The following MACROD2 variants were observed in gnomAD, a reference collection of about 807,000 sequenced individuals.
MACROD2 encodes the protein mono-ADP ribosylhydrolase 2.
A neutral mutation model predicts 70.4 loss-of-function variants in MACROD2; 36 were observed. The observed-to-expected ratio is 0.51, with a 90% CI of 0.39 to 0.68. The LOEUF (loss-of-function observed/expected upper bound fraction) is 0.68, where lower values mean the gene tolerates loss of function less well. MACROD2 is among the 30% of genes least tolerant of loss of function. The pLI is 0.00. For missense variants in MACROD2, 496 were observed against 538.4 expected (o/e 0.92, Z 0.78); for synonymous variants, 172 against 178.8 (o/e 0.96, Z 0.30).
chr20:15,851,443 T>G (rs932431749), intron 8 of MACROD2, among the ~76,000 whole-genome samples: 1 of 152,104 alleles, frequency 6.6e-6, no homozygotes, highest in African/African-American at 2.4e-5. Context: ...TCTCCTTGGC[T>G]GGCAGATGGC....
chr20:14,902,998 G>A lies in MACROD2; in HGVS notation c.418+218039G>A, dbSNP rs374561354. On this transcript the variant is annotated intron_variant, in intron 5 of 17. Transcript: ENST00000684519. ...AAAACCCATGTAGTAAAAGAAGTAC[G>A]TCAGGGAGAGGACATCTAAAGGTTT... Among the ~76,000 whole-genome samples, 22 of 150,596 alleles carry A rather than the reference G, an allele frequency of 1.5e-4. 1 individual carries two copies. Among genetic ancestry groups the A allele is most frequent in the African/African-American group, 3.4e-4 (14 of 41,050 alleles).
At chr20:14,203,760 G>T (rs1362265267) in intron 3 of MACROD2, among the ~76,000 whole-genome samples, 1 of 152,218 alleles carries the variant, frequency 6.6e-6, no homozygotes, top group Admixed American at 6.5e-5. Flanking sequence ...TGGTCCTTAG[G>T]CACCCATGGT....
At chr20:15,013,252 C>A (rs2075096958) in intron 5 of MACROD2, among the ~76,000 whole-genome samples, 1 of 152,054 alleles carries the variant, frequency 6.6e-6, no homozygotes, top group East Asian at 1.9e-4. Context: ...ACAGACCTAG[C>A]TTTGAGAATG....
chr20:16,041,772 A>G (rs1033269571), intron 16 of MACROD2, among the ~76,000 whole-genome samples: 1 of 151,992 alleles, frequency 6.6e-6, no homozygotes, highest in Non-Finnish European at 1.5e-5. Flanking sequence ...AAGCACCTTA[A>G]AAATAAATTT....
At chr20:14,181,728 G>A (rs1569194772) in intron 3 of MACROD2, among the ~76,000 whole-genome samples, 1 of 151,958 alleles carries the variant, frequency 6.6e-6, no homozygotes, top group South Asian at 2.1e-4. Flanking sequence ...TAAATATAAT[G>A]GAAATATATA....
chr20:15,886,513 C>T (rs146338482), intron 10 of MACROD2, among the ~76,000 whole-genome samples: 19 of 152,242 alleles, frequency 1.2e-4, no homozygotes, highest in Non-Finnish European at 1.6e-4. Context: ...TTCTATAGAG[C>T]GTGTAAGACC....
intron 5 of MACROD2, among the ~76,000 whole-genome samples, chr20:14,967,748 T>G (rs1156817773): frequency 6.6e-6 from 1 of 152,186 alleles, no homozygotes; most frequent in Non-Finnish European, 1.5e-5. Context: ...ATGTGAGAAG[T>G]CTGCCAATTT....
At chr20:14,872,293 T>C (rs2073497475) in intron 5 of MACROD2, among the ~76,000 whole-genome samples, 1 of 152,108 alleles carries the variant, frequency 6.6e-6, no homozygotes, top group Admixed American at 6.6e-5. Flanking sequence ...ATGGCAAATT[T>C]TTATGGGCTA....
intron 4 of MACROD2, among the ~76,000 whole-genome samples, chr20:14,571,966 C>A (rs547822736): frequency 6.6e-6 from 1 of 152,006 alleles, no homozygotes; most frequent in African/African-American, 2.4e-5. Flanking sequence ...AAGAAAAAGG[C>A]TATCATCACT....
intron 2 of MACROD2, among the ~76,000 whole-genome samples, chr20:14,078,694 C>G (rs2053949682): frequency 6.6e-6 from 1 of 152,338 alleles, no homozygotes; most frequent in East Asian, 1.9e-4. Context: ...AGGCGTGAGC[C>G]ACCGTGCCCA....
chr20:15,548,211 C>T (rs964770171), intron 8 of MACROD2, among the ~76,000 whole-genome samples: 2 of 152,116 alleles, frequency 1.3e-5, no homozygotes, highest in Non-Finnish European at 2.9e-5. Context: ...TTAATCTAGC[C>T]TTTTCTGATT....
intron 3 of MACROD2, among the ~76,000 whole-genome samples, chr20:14,226,178 A>G (rs2122183504): frequency 6.6e-6 from 1 of 152,342 alleles, no homozygotes; most frequent in African/African-American, 2.4e-5. Context: ...AATAGCAGGA[A>G]TGGTGCCCCT....
Position 16,044,068 on chromosome 20 carries a change from G to C in MACROD2, c.1232-503G>C, listed in dbSNP as rs558743759. On this transcript the variant is annotated intron_variant, in intron 16 of 17. Coordinates refer to ENST00000684519, the MANE Select transcript of MACROD2 (RefSeq NM_001351661.2). ...GATAATTTAGAAAGAAAAGAGGTTT[G>C]TCTCATGGTTCTGCAGGCTTTACAG... Among the ~76,000 whole-genome samples, 12 of 152,116 alleles carry C rather than the reference G, an allele frequency of 7.9e-5. No homozygotes were observed. The East Asian group carries it at 2.1e-3, about 27-fold the overall frequency.
At chr20:14,225,421 T>C (rs567143311) in intron 3 of MACROD2, among the ~76,000 whole-genome samples, 1 of 152,368 alleles carries the variant, frequency 6.6e-6, no homozygotes, top group East Asian at 1.9e-4. Context: ...CTATGATAGA[T>C]ATGTATTAAC....
chr20:15,997,078 C>T (rs1003502858), intron 15 of MACROD2, among the ~76,000 whole-genome samples: 1 of 152,102 alleles, frequency 6.6e-6, no homozygotes, highest in African/African-American at 2.4e-5. Flanking sequence ...GTTGTTGTGC[C>T]AGTACCATAC....
At chr20:14,553,316 A>G (rs1390268166) in intron 4 of MACROD2, among the ~76,000 whole-genome samples, 2 of 151,768 alleles carry the variant, frequency 1.3e-5, no homozygotes, top group Non-Finnish European at 2.9e-5. Context: ...CTTCAGGGCC[A>G]ATACATGCAT....
At chr20:14,038,985 A>G (rs2053353612) in intron 2 of MACROD2, among the ~76,000 whole-genome samples, 1 of 152,156 alleles carries the variant, frequency 6.6e-6, no homozygotes, top group South Asian at 2.1e-4. Context: ...ATATTTTACA[A>G]ATTTTATCAG....
At chr20:15,206,613 C>G (rs2076704909) in intron 5 of MACROD2, among the ~76,000 whole-genome samples, 1 of 151,524 alleles carries the variant, frequency 6.6e-6, no homozygotes, top group African/African-American at 2.4e-5. Context: ...ACTGCTCTGA[C>G]CTCTATCACC....
At chr20:14,990,636 C>G (rs1463334092) in intron 5 of MACROD2, among the ~76,000 whole-genome samples, 1 of 151,690 alleles carries the variant, frequency 6.6e-6, no homozygotes, top group African/African-American at 2.4e-5. Context: ...GCCTCAGCCT[C>G]CCAAGTAGCA....
Sources: gnomAD v4.1 joint callset for allele counts (sites outside exome capture counted in the v4.1 genomes callset) on GRCh38, gnomAD v4.1.1 for gene constraint, MANE v1.5 for transcripts, NCBI Gene and HGNC (gene_info 2026-07-23, HGNC 2026-07-21) for gene names.